The following UNC5C variants were observed in gnomAD, a reference collection of about 807,000 sequenced individuals.
UNC5C encodes the protein unc-5 netrin receptor C, also known as netrin receptor UNC5C.
A neutral mutation model predicts 99.8 loss-of-function variants in UNC5C; 47 were observed. The observed-to-expected ratio is 0.47, with a 90% confidence interval of 0.37 to 0.60. UNC5C has a LOEUF of 0.60. Ranked by LOEUF, UNC5C falls within the 20% of genes least tolerant of loss-of-function variation. UNC5C has a pLI of 0.00. For missense variants in UNC5C, 1,062 were observed against 1,165.9 expected (o/e 0.91, Z 1.30); for synonymous variants, 487 against 452.2 (o/e 1.08, Z -0.98).
At chr4:95,274,163 A>G (rs1323060425) in intron 4 of UNC5C, among the ~76,000 whole-genome samples, 1 of 152,192 alleles carries the variant, frequency 6.6e-6, no homozygotes, top group Non-Finnish European at 1.5e-5. Context: ...AGAGCTATAT[A>G]AAATTGTGGC....
intron 10 of UNC5C, among the ~76,000 whole-genome samples, chr4:95,212,621 G>A (rs776306013): frequency 9.2e-5 from 14 of 151,880 alleles, no homozygotes; most frequent in East Asian, 1.9e-4. Flanking sequence ...GCATTTTCTC[G>A]GCTGGAGGTT....
chr4:95,313,896 A>G (rs985184011), intron 2 of UNC5C, among the ~76,000 whole-genome samples: 1 of 152,298 alleles, frequency 6.6e-6, no homozygotes, highest in African/African-American at 2.4e-5. Context: ...CTCTGTACGT[A>G]TTGGCTGACT....
chr4:95,528,585 T>C (rs1722556319), intron 1 of UNC5C, among the ~76,000 whole-genome samples: 1 of 152,340 alleles, frequency 6.6e-6, no homozygotes, highest in South Asian at 2.1e-4. Context: ...GATGTGGTAA[T>C]GTCTGGCCTA....
At chr4:95,249,435 A>G (rs1324184281) in intron 5 of UNC5C, among the ~76,000 whole-genome samples, 3 of 152,226 alleles carry the variant, frequency 2.0e-5, no homozygotes, top group African/African-American at 7.2e-5. Flanking sequence ...TGGAGGTAGC[A>G]TAACCTCTAA....
At chr4:95,244,617 G>T (rs1015351691) in intron 6 of UNC5C, among the ~76,000 whole-genome samples, 1 of 151,974 alleles carries the variant, frequency 6.6e-6, no homozygotes, top group Non-Finnish European at 1.5e-5. Flanking sequence ...AATTTCTACG[G>T]TTTTCTGAAG....
chr4:95,240,380 T>C (rs190439142), intron 7 of UNC5C, among the ~76,000 whole-genome samples: 1 of 152,202 alleles, frequency 6.6e-6, no homozygotes. Flanking sequence ...TAAAATACTG[T>C]AATTACACAG....
chr4:95,257,350 G>C (rs762154900), intron 4 of UNC5C, among the ~76,000 whole-genome samples: 1 of 152,090 alleles, frequency 6.6e-6, no homozygotes, highest in African/African-American at 2.4e-5. Context: ...GATATAGAGA[G>C]CTATGAGTGC....
At chr4:95,520,653 C>T (rs1722329459) in intron 1 of UNC5C, among the ~76,000 whole-genome samples, 1 of 147,162 alleles carries the variant, frequency 6.8e-6, no homozygotes, top group South Asian at 2.1e-4. Flanking sequence ...GGCTGGACTG[C>T]AGTGGTGCCC....
At chr4:95,309,341 A>G (rs537420919) in intron 2 of UNC5C, among the ~76,000 whole-genome samples, 2 of 152,290 alleles carry the variant, frequency 1.3e-5, no homozygotes, top group East Asian at 3.9e-4. Flanking sequence ...AGAAAAAAAC[A>G]TAGAGGAAAA....
chr4:95,346,412 T>C (rs977072774), intron 1 of UNC5C, among the ~76,000 whole-genome samples: 1 of 152,036 alleles, frequency 6.6e-6, no homozygotes, highest in Non-Finnish European at 1.5e-5. Flanking sequence ...GAGCAGGGAA[T>C]ACTTCAAAAC....
chr4:95,407,866 G>A (rs1328729441), intron 1 of UNC5C, among the ~76,000 whole-genome samples: 2 of 152,116 alleles, frequency 1.3e-5, no homozygotes, highest in Non-Finnish European at 2.9e-5. Context: ...ATTGCAATTT[G>A]CAATAGTTGA....
chr4:95,509,202 T>G (rs1334512204), intron 1 of UNC5C, among the ~76,000 whole-genome samples: 1 of 151,872 alleles, frequency 6.6e-6, no homozygotes, highest in Non-Finnish European at 1.5e-5. Context: ...AAAATTTTTT[T>G]GTAGTTTTTT....
chr4:95,309,332 G>GA (rs1237822346), intron 2 of UNC5C, among the ~76,000 whole-genome samples: 2 of 151,614 alleles, frequency 1.3e-5, no homozygotes, highest in African/African-American at 4.9e-5. Context: ...AAAACCGCTA[G>GA]AAAAAAACAT....
chr4:95,175,939 A>G (rs1487093582), intron 14 of UNC5C, among the ~76,000 whole-genome samples: 1 of 151,304 alleles, frequency 6.6e-6, no homozygotes, highest in South Asian at 2.1e-4. Context: ...GGCTTTGCTC[A>G]TTTCTTTTTA....
At chr4:95,189,119 C>T (rs920967242) in intron 12 of UNC5C, among the ~76,000 whole-genome samples, 3 of 152,184 alleles carry the variant, frequency 2.0e-5, no homozygotes, top group Admixed American at 6.5e-5. Flanking sequence ...TCTTTGTTCT[C>T]AGAAACCTGA....
intron 4 of UNC5C, among the ~76,000 whole-genome samples, chr4:95,259,428 A>T (rs1740137978): frequency 6.6e-6 from 1 of 152,218 alleles, no homozygotes; most frequent in Non-Finnish European, 1.5e-5. Flanking sequence ...TAGAAGAAAA[A>T]TATTTAACAC....
chr4:95,493,433 G>A (rs143678721), intron 1 of UNC5C, among the ~76,000 whole-genome samples: 37 of 151,366 alleles, frequency 2.4e-4, no homozygotes, highest in African/African-American at 8.5e-4. Context: ...GCGAACCGAA[G>A]TTTTATTGTG....
Position 95,319,432 on chromosome 4 carries a change from C to T in UNC5C, c.346+15978G>A, listed in dbSNP as rs1234401802. ...CCTTTGATGAAATTAGAAATGAGTCCAAGGCTCCGTCATCAGAATTGCTTT... is the reference window on the plus strand; with the variant it reads ...CCTTTGATGAAATTAGAAATGAGTCTAAGGCTCCGTCATCAGAATTGCTTT... On this transcript the variant is annotated intron_variant, in intron 2 of 15. Transcript: ENST00000453304. Among the ~76,000 whole-genome samples the T allele has an allele frequency of 4.6e-5, 7 of 152,228 alleles. No individual in the cohort carries two copies. In the South Asian group the frequency reaches 8.3e-4, roughly 18 times the overall value.
intron 3 of UNC5C, among the ~76,000 whole-genome samples, chr4:95,293,678 C>G (rs72676404): frequency 0.087 from 13,171 of 152,092 alleles, 735 homozygotes; most frequent in Non-Finnish European, 0.13. Flanking sequence ...ATCTACAAAT[C>G]CTTGTCTCCT....
Sources: gnomAD v4.1 joint callset for allele counts (sites outside exome capture counted in the v4.1 genomes callset) on GRCh38, gnomAD v4.1.1 for gene constraint, MANE v1.5 for transcripts, NCBI Gene and HGNC (gene_info 2026-07-23, HGNC 2026-07-21) for gene names.